The following GRID2 variants were observed in gnomAD, a reference collection of about 807,000 sequenced individuals.
GRID2 encodes the protein glutamate ionotropic receptor delta type subunit 2, also known as glutamate receptor ionotropic, delta-2.
In GRID2, 33 loss-of-function variants were observed where a neutral mutation model predicts 114.8. The observed-to-expected ratio is 0.29, with a 90% CI of 0.22 to 0.38. The LOEUF is 0.38. Among genes scored for constraint, GRID2 ranks in the 10% least tolerant of loss-of-function variants. The pLI is 1.00. For synonymous variants in GRID2, 505 were observed against 449.9 expected, an observed-to-expected ratio of 1.12 and a Z score of -1.55; for missense variants, 1,184 against 1,257.7, an observed-to-expected ratio of 0.94 and a Z score of 0.89.
intron 8 of GRID2, among the ~76,000 whole-genome samples, chr4:93,364,133 T>G (rs1015482518): frequency 1.4e-4 from 21 of 152,252 alleles, no homozygotes; most frequent in African/African-American, 5.1e-4. Context: ...AAGACATATA[T>G]ACATTTTCAA....
At chr4:93,520,897 G>A (rs116317328) in intron 13 of GRID2, among the ~76,000 whole-genome samples, 4,509 of 152,170 alleles carry the variant, frequency 0.03, 92 homozygotes, top group South Asian at 0.047. Context: ...TTAAAGGTCC[G>A]CTCTAGATGC....
intron 1 of GRID2, among the ~76,000 whole-genome samples, chr4:92,536,436 A>G (rs1024975762): frequency 5.3e-5 from 8 of 152,168 alleles, no homozygotes; most frequent in Non-Finnish European, 8.8e-5. Context: ...TACGTTGCAT[A>G]GTACTAGACA....
chr4:93,771,976 C>T, intron 15 of GRID2, 100 bp from the exon 16 acceptor site: 1 of 707,130 alleles, frequency 1.4e-6, no homozygotes, highest in Non-Finnish European at 2.4e-6. Flanking sequence ...GAATAAACCC[C>T]AAAGTTCAGT....
chr4:93,705,271 A>T (rs1038191611), intron 14 of GRID2, among the ~76,000 whole-genome samples: 6 of 150,832 alleles, frequency 4.0e-5, no homozygotes, highest in Admixed American at 2.0e-4. Flanking sequence ...AGAAATGTCT[A>T]TTCAGATCTT....
intron 2 of GRID2, among the ~76,000 whole-genome samples, chr4:92,932,988 A>G (rs1371709152): frequency 6.6e-6 from 1 of 151,038 alleles, no homozygotes; most frequent in Non-Finnish European, 1.5e-5. Flanking sequence ...AAAAGTCAGT[A>G]TCTTGATTTG....
chr4:92,810,274 T>C (rs1437669760), intron 2 of GRID2, among the ~76,000 whole-genome samples: 2 of 151,902 alleles, frequency 1.3e-5, no homozygotes, highest in South Asian at 2.1e-4. Flanking sequence ...TCACGGAACC[T>C]ATCCTTAATT....
chr4:93,201,362 A>G (rs1213889710), intron 4 of GRID2, among the ~76,000 whole-genome samples: 1 of 152,212 alleles, frequency 6.6e-6, no homozygotes, highest in East Asian at 1.9e-4. Flanking sequence ...TAAGTAAGCT[A>G]TAATATTGCT....
chr4:93,252,104 C>G (rs1327064329), intron 8 of GRID2, among the ~76,000 whole-genome samples: 1 of 152,052 alleles, frequency 6.6e-6, no homozygotes, highest in African/African-American at 2.4e-5. Flanking sequence ...GCTTTTGCTG[C>G]AATTGCTTTT....
At chr4:92,903,409 C>T (rs2149482790) in intron 2 of GRID2, among the ~76,000 whole-genome samples, 1 of 152,040 alleles carries the variant, frequency 6.6e-6, no homozygotes, top group Middle Eastern at 3.4e-3. Context: ...TTCTCCTGTG[C>T]ACATTTCTCT....
chr4:93,202,562 A>G (rs1742221386), intron 4 of GRID2, among the ~76,000 whole-genome samples: 1 of 152,198 alleles, frequency 6.6e-6, no homozygotes, highest in African/African-American at 2.4e-5. Context: ...CTTGTCTTCA[A>G]ATAACTTCTA....
chr4:92,724,113 A>G (rs1177264419), intron 2 of GRID2, among the ~76,000 whole-genome samples: 1 of 152,148 alleles, frequency 6.6e-6, no homozygotes, highest in African/African-American at 2.4e-5. Flanking sequence ...TGGTACTATA[A>G]GACATTCTTT....
intron 8 of GRID2, among the ~76,000 whole-genome samples, chr4:93,375,374 G>A (rs1180434052): frequency 2.0e-5 from 3 of 151,634 alleles, no homozygotes; most frequent in South Asian, 2.1e-4. Flanking sequence ...CACCACGCCC[G>A]GCTAATTTTT....
At chr4:92,728,919 C>A (rs1736193215) in intron 2 of GRID2, among the ~76,000 whole-genome samples, 1 of 151,962 alleles carries the variant, frequency 6.6e-6, no homozygotes, top group Non-Finnish European at 1.5e-5. Flanking sequence ...AAAAGAATTA[C>A]ATAGAACTCT....
At chr4:92,537,384 GATATATT>G (rs1725694216) in intron 1 of GRID2, among the ~76,000 whole-genome samples, 1 of 152,138 alleles carries the variant, frequency 6.6e-6, no homozygotes, top group Admixed American at 6.6e-5. Context: ...GACCTAGATT[GATATATT>G]ATTAGGTTGC....
At chr4:92,519,051 A>T (rs979286185) in intron 1 of GRID2, among the ~76,000 whole-genome samples, 11 of 152,028 alleles carry the variant, frequency 7.2e-5, no homozygotes, top group African/African-American at 2.6e-4. Context: ...ACAAACTATG[A>T]TAGTATGTCA....
At chr4:93,648,276 T>C (rs922599296) in intron 14 of GRID2, among the ~76,000 whole-genome samples, 2 of 151,888 alleles carry the variant, frequency 1.3e-5, no homozygotes, top group African/African-American at 2.4e-5. Context: ...TTGGGTAAGA[T>C]GGAGGAAAGA....
intron 2 of GRID2, among the ~76,000 whole-genome samples, chr4:92,889,483 A>T (rs1261171707): frequency 6.6e-6 from 1 of 152,180 alleles, no homozygotes; most frequent in Non-Finnish European, 1.5e-5. Context: ...AATAATAGAC[A>T]AACAGAAAGT....
At chr4:93,331,158 G>GTAT (rs1758395397) in intron 8 of GRID2, among the ~76,000 whole-genome samples, 1 of 131,270 alleles carries the variant, frequency 7.6e-6, no homozygotes, top group South Asian at 2.4e-4. Flanking sequence ...TATCTCTCCA[G>GTAT]TATTATATCC....
chr4:93,232,312 G>A (rs1414689317), intron 7 of GRID2, among the ~76,000 whole-genome samples: 1 of 151,980 alleles, frequency 6.6e-6, no homozygotes, highest in African/African-American at 2.4e-5. Context: ...ATTAGTAAGT[G>A]AACTAAAATG....
Sources: allele counts gnomAD v4.1 joint callset (sites outside exome capture counted in the v4.1 genomes callset), GRCh38; gene constraint gnomAD v4.1.1; transcripts MANE v1.5; gene names NCBI Gene and HGNC (gene_info 2026-07-23, HGNC 2026-07-21).